Variants in MIA2 observed in about 807,000 individuals in gnomAD.
MIA2 encodes the protein MIA SH3 domain ER export factor 2.
Under a neutral mutation model 167.8 loss-of-function variants are expected in MIA2, and 127 were observed. The observed-to-expected ratio is 0.76, with a 90% CI of 0.66 to 0.88. The LOEUF is 0.88. Among genes scored for constraint, MIA2 ranks in the 40% least tolerant of loss-of-function variants. MIA2 has a pLI of 0.00. For missense variants in MIA2, 1,690 were observed against 1,624.7 expected (o/e 1.04, Z -0.69); for synonymous variants, 552 against 541.9 (o/e 1.02, Z -0.26).
At chr14:39,296,673 T>C (rs1268916426) in intron 13 of MIA2, among the ~76,000 whole-genome samples, 3 of 150,648 alleles carry the variant, frequency 2.0e-5, no homozygotes, top group Non-Finnish European at 4.4e-5. Flanking sequence ...TTAGGGTACA[T>C]GTGCACATTG....
intron 21 of MIA2, 82 bp from the exon 22 acceptor site, chr14:39,317,861 TA>T: frequency 1.2e-6 from 1 of 863,762 alleles, no homozygotes; most frequent in Non-Finnish European, 1.7e-6. Flanking sequence ...TTAAGAAATT[TA>T]ATGAATGTTT....
At chr14:39,318,252 T>A (rs1338794215) in intron 22 of MIA2, among the ~76,000 whole-genome samples, 2 of 152,100 alleles carry the variant, frequency 1.3e-5, no homozygotes, top group Non-Finnish European at 2.9e-5. Flanking sequence ...TAACTAGAAT[T>A]TTTTTTAAAC....
intron 9 of MIA2, among the ~76,000 whole-genome samples, chr14:39,283,663 T>G (rs982800786): frequency 1.3e-5 from 2 of 152,168 alleles, no homozygotes; most frequent in Admixed American, 6.5e-5. Context: ...CACAAATACT[T>G]GTCATCTCTC....
Position 39,235,278 on chromosome 14 carries a change from T to C in MIA2, c.115+1049T>C, listed in dbSNP as rs201754955. Among the ~76,000 whole-genome samples, 82 of 152,222 alleles carry C rather than the reference T, an allele frequency of 5.4e-4. No homozygotes were observed. In the East Asian group the frequency reaches 0.013, roughly 23 times the overall value. ...CTCAGGGAATCCACCTGCCTCAGCC[T>C]CCCAAAGTGCTAAGATTACAGGCAT... On this transcript the variant is annotated intron_variant, in intron 1 of 28. Transcript: ENST00000640607.
intron 28 of MIA2, 52 bp from the exon 29 acceptor site, chr14:39,350,046 C>T (rs756377531): frequency 3.0e-6 from 2 of 676,300 alleles, no homozygotes; most frequent in Non-Finnish European, 5.1e-6. Context: ...TATTAGGGCA[C>T]AGTACAGGTT....
At chr14:39,370,980 T>C (rs1302897526) in intron 23 of MIA2, among the ~76,000 whole-genome samples, 1 of 152,224 alleles carries the variant, frequency 6.6e-6, no homozygotes, top group Non-Finnish European at 1.5e-5. Context: ...AAACTTTTAT[T>C]CAAGTATCTT....
chr14:39,274,213 T>G (rs2057590471), intron 6 of MIA2, among the ~76,000 whole-genome samples: 1 of 152,202 alleles, frequency 6.6e-6, no homozygotes, highest in South Asian at 2.1e-4. Context: ...CCCATCACCC[T>G]TTAAATTTCA....
intron 18 of MIA2, 150 bp from the exon 19 acceptor site, chr14:39,313,190 C>T (rs541880019): frequency 2.4e-6 from 1 of 415,976 alleles, no homozygotes; most frequent in Non-Finnish European, 4.4e-6. Context: ...AATATTTACA[C>T]AGATACTTTT....
intron 6 of MIA2, chr14:39,266,264 A>G (rs983191356): frequency 1.0e-6 from 1 of 982,836 alleles, no homozygotes; most frequent in Non-Finnish European, 1.2e-6. Flanking sequence ...GAAGACATAT[A>G]TATGAGATGG....
chr14:39,345,303 A>G (rs1046142451), intron 25 of MIA2, among the ~76,000 whole-genome samples: 1 of 152,068 alleles, frequency 6.6e-6, no homozygotes, highest in Non-Finnish European at 1.5e-5. Flanking sequence ...GGAACTCCCG[A>G]CCTTAGGTGA....
intron 6 of MIA2, among the ~76,000 whole-genome samples, chr14:39,262,861 A>AT (rs2055192027): frequency 6.6e-6 from 1 of 152,032 alleles, no homozygotes; most frequent in African/African-American, 2.4e-5. Flanking sequence ...TTGCACATTG[A>AT]TTTTGTATCC....
At chr14:39,303,558 A>AG (rs776793495) in intron 16 of MIA2, 34 bp downstream of exon 16, 66 of 1,517,936 alleles carry the variant, frequency 4.3e-5, no homozygotes, top group South Asian at 2.9e-4. Flanking sequence ...AAGAATAAGG[A>AG]GGAAGAAAGA....
chr14:39,314,279 C>T (rs1384504179), intron 19 of MIA2, among the ~76,000 whole-genome samples: 3 of 151,650 alleles, frequency 2.0e-5, no homozygotes, highest in Non-Finnish European at 2.9e-5. Flanking sequence ...CCCAGCTACT[C>T]AGGAGACTGG....
At chr14:39,346,688 TTA>T (rs2073331312) in intron 26 of MIA2, among the ~76,000 whole-genome samples, 1 of 148,374 alleles carries the variant, frequency 6.7e-6, no homozygotes, top group East Asian at 1.9e-4. Context: ...ATAAATAATG[TTA>T]TATATATAAT....
In MIA2 at chr14:39,350,149, C is replaced by A; in HGVS notation, c.4124C>A (p.Pro1375His). 1 of 1,406,158 alleles carries A rather than the reference C, an allele frequency of 7.1e-7. No homozygotes were observed. The highest frequency in any genetic ancestry group is 9.7e-7 in the Non-Finnish European group (1 of 1,026,938). 87.1% of individuals were successfully genotyped at this position (1,406,158 alleles called of 1,614,324 possible). A position where few individuals can be genotyped will look rare whatever the true frequency, so the allele number is the denominator to read the frequency against. ...RGFPPYLPPR[P>H]GFFPPPPHSE... Reference sequence around the variant, plus strand: ...TTTCCTCCTTACCTTCCCCCAAGACCTGGATTTTTCCCCCCACCCCCACAT... The same window carrying A: ...TTTCCTCCTTACCTTCCCCCAAGACATGGATTTTTCCCCCCACCCCCACAT... Residue 1375 changes from proline to histidine, a missense_variant, in exon 29 of 29, where the codon CCT becomes CAT. Transcript: ENST00000640607.
intron 25 of MIA2, among the ~76,000 whole-genome samples, chr14:39,342,295 AATG>A (rs1209302886): frequency 6.6e-6 from 1 of 151,682 alleles, no homozygotes; most frequent in Non-Finnish European, 1.5e-5. Context: ...GTTTGCTGAG[AATG>A]ATGGTTTCCA....
intron 13 of MIA2, among the ~76,000 whole-genome samples, chr14:39,299,496 G>A (rs765696511): frequency 4.0e-5 from 6 of 151,700 alleles, no homozygotes. Flanking sequence ...TAGTAGAGAC[G>A]AGGTTTCACC....
intron 25 of MIA2, among the ~76,000 whole-genome samples, chr14:39,332,543 CT>C (rs2069151945): frequency 6.6e-6 from 1 of 152,140 alleles, no homozygotes. Flanking sequence ...AATTTTTAGC[CT>C]TTTTGCCTGG....
chr14:39,358,934 T>C (rs1293933352), intron 23 of MIA2, among the ~76,000 whole-genome samples: 3 of 152,190 alleles, frequency 2.0e-5, no homozygotes, highest in Non-Finnish European at 2.9e-5. Context: ...GAGGAGTACC[T>C]GGCCGTGTGA....
Sources: gnomAD v4.1 joint callset for allele counts (sites outside exome capture counted in the v4.1 genomes callset) on GRCh38, gnomAD v4.1.1 for gene constraint, MANE v1.5 for transcripts, NCBI Gene and HGNC (gene_info 2026-07-23, HGNC 2026-07-21) for gene names.